The following NCKAP5 variants were observed in gnomAD, a reference collection of about 807,000 sequenced individuals.
The protein encoded by NCKAP5 is NCK associated protein 5.
In NCKAP5, 92 loss-of-function variants were observed where a neutral mutation model predicts 167.0. That is an observed-to-expected ratio of 0.55 (90% CI 0.47 to 0.66). NCKAP5 has a LOEUF of 0.66. NCKAP5 is among the 30% of genes least tolerant of loss of function. The probability of loss-of-function intolerance (pLI) is 0.00; values close to 1 mark genes in which losing one functional copy is unlikely to be tolerated. For synonymous variants in NCKAP5, 891 were observed against 877.4 expected (o/e 1.02, Z -0.27); for missense variants, 2,378 against 2,315.0 (o/e 1.03, Z -0.56).
chr2:132,798,128 A>G (rs1309064302), intron 11 of NCKAP5, among the ~76,000 whole-genome samples: 1 of 152,192 alleles, frequency 6.6e-6, no homozygotes, highest in Non-Finnish European at 1.5e-5. Context: ...AGCAGAGCTA[A>G]GACCTCCATA....
rs543784595 is a variant in NCKAP5, at chr2:133,002,631, C to T, written c.342-8392G>A. On this transcript the variant is annotated intron_variant, in intron 6 of 19. Coordinates refer to ENST00000409261, the MANE Select transcript of NCKAP5 (RefSeq NM_207363.3). ...GCCCACTGGGTACTCTCAATTCCAC[C>T]GAAATGCCACAGAAAACACAGAGCC... Among the ~76,000 whole-genome samples the T allele has an allele frequency of 4.6e-5, 7 of 152,262 alleles. No homozygotes were observed. In the South Asian group the frequency reaches 6.2e-4, roughly 14 times the overall value.
intron 11 of NCKAP5, among the ~76,000 whole-genome samples, chr2:132,857,647 C>T (rs1689575845): frequency 6.6e-6 from 1 of 152,142 alleles, no homozygotes; most frequent in African/African-American, 2.4e-5. Flanking sequence ...CATCTCAATT[C>T]CTTGGAATTT....
chr2:133,427,509 A>G (rs1045941172), intron 3 of NCKAP5, among the ~76,000 whole-genome samples: 26 of 152,214 alleles, frequency 1.7e-4, no homozygotes, highest in African/African-American at 6.3e-4. Context: ...AGAGCAAAAT[A>G]TAAACATTTT....
chr2:132,727,507 C>T (rs1397351985), intron 18 of NCKAP5, among the ~76,000 whole-genome samples: 1 of 152,216 alleles, frequency 6.6e-6, no homozygotes, highest in African/African-American at 2.4e-5. Context: ...TCCGTATATG[C>T]CAAATCAGAC....
intron 3 of NCKAP5, among the ~76,000 whole-genome samples, chr2:133,312,844 A>G (rs1038494784): frequency 3.3e-5 from 5 of 152,244 alleles, no homozygotes; most frequent in Non-Finnish European, 7.3e-5. Context: ...ACTGTGAAAT[A>G]CGAAGCAGCA....
the NCKAP5 span, among the ~76,000 whole-genome samples, chr2:133,616,180 A>G: frequency 6.6e-6 from 1 of 151,250 alleles, no homozygotes; most frequent in Admixed American, 6.6e-5. Flanking sequence ...ATAGCACTAA[A>G]TGCCCACAAG....
intron 4 of NCKAP5, among the ~76,000 whole-genome samples, chr2:133,214,003 C>T (rs569068227): frequency 7.9e-5 from 12 of 152,236 alleles, no homozygotes; most frequent in African/African-American, 2.2e-4. Flanking sequence ...GCCAAATAAA[C>T]GTTAAATGGT....
chr2:133,674,374 T>G, the NCKAP5 span, among the ~76,000 whole-genome samples: 1 of 152,182 alleles, frequency 6.6e-6, no homozygotes, highest in Admixed American at 6.5e-5. Flanking sequence ...GGAATTAATC[T>G]CCAGGCACCT....
chr2:132,810,164 T>C (rs1388275130), intron 11 of NCKAP5, among the ~76,000 whole-genome samples: 1 of 152,230 alleles, frequency 6.6e-6, no homozygotes, highest in Non-Finnish European at 1.5e-5. Flanking sequence ...CTGTTAATCT[T>C]ATAGGCTTTC....
intron 8 of NCKAP5, among the ~76,000 whole-genome samples, chr2:132,898,781 A>G (rs944123927): frequency 6.6e-6 from 1 of 152,252 alleles, no homozygotes; most frequent in Non-Finnish European, 1.5e-5. Flanking sequence ...AAGTAGACTT[A>G]TTAGTAAAAT....
At chr2:132,766,278 C>CAAA (rs70973405) in intron 16 of NCKAP5, among the ~76,000 whole-genome samples, 430 of 38,390 alleles carry the variant, frequency 0.011, 28 homozygotes, top group Admixed American at 0.061. Flanking sequence ...GATTCTGTCT[C>CAAA]AAAAAAAAAA....
At chr2:133,092,239 T>A (rs115515687) in intron 6 of NCKAP5, among the ~76,000 whole-genome samples, 1 of 152,172 alleles carries the variant, frequency 6.6e-6, no homozygotes, top group Non-Finnish European at 1.5e-5. Flanking sequence ...TGAAATCCAA[T>A]TGGGCCTGAA....
At chr2:133,182,187 T>C (rs2084767384) in intron 5 of NCKAP5, among the ~76,000 whole-genome samples, 3 of 152,176 alleles carry the variant, frequency 2.0e-5, no homozygotes, top group Admixed American at 6.5e-5. Flanking sequence ...TCCCAACAAC[T>C]GATAGACCAA....
intron 3 of NCKAP5, among the ~76,000 whole-genome samples, chr2:133,508,969 T>C (rs1376058862): frequency 6.6e-6 from 1 of 152,240 alleles, no homozygotes; most frequent in East Asian, 1.9e-4. Flanking sequence ...TGTAGTGATC[T>C]CAGCGACAAC....
At chr2:132,997,213 T>C (rs1478437330) in intron 6 of NCKAP5, among the ~76,000 whole-genome samples, 1 of 152,152 alleles carries the variant, frequency 6.6e-6, no homozygotes, top group Non-Finnish European at 1.5e-5. Context: ...TGCAGACAAC[T>C]GGGACAGGCC....
At chr2:133,112,248 G>T (rs1221739556) in intron 6 of NCKAP5, among the ~76,000 whole-genome samples, 1 of 152,150 alleles carries the variant, frequency 6.6e-6, no homozygotes, top group Non-Finnish European at 1.5e-5. Flanking sequence ...GCTGAGGCAG[G>T]TGGATCACGA....
At chr2:132,995,288 A>C (rs1340415963) in intron 6 of NCKAP5, among the ~76,000 whole-genome samples, 1 of 152,212 alleles carries the variant, frequency 6.6e-6, no homozygotes, top group Non-Finnish European at 1.5e-5. Flanking sequence ...TTAAAACATA[A>C]ACATGTATAA....
At chr2:132,994,348 G>T in intron 6 of NCKAP5, 109 bp from the exon 7 acceptor site, 1 of 741,672 alleles carries the variant, frequency 1.3e-6, no homozygotes, top group South Asian at 1.9e-5. Flanking sequence ...GCTTCAACCT[G>T]GAAATCTCTT....
At chr2:133,279,793 T>C (rs910626764) in intron 4 of NCKAP5, among the ~76,000 whole-genome samples, 9 of 152,218 alleles carry the variant, frequency 5.9e-5, no homozygotes, top group African/African-American at 2.2e-4. Context: ...GGTTAAATAG[T>C]TCCTGGGGCT....
Sources: allele counts gnomAD v4.1 joint callset (sites outside exome capture counted in the v4.1 genomes callset), GRCh38; gene constraint gnomAD v4.1.1; transcripts MANE v1.5; gene names NCBI Gene and HGNC (gene_info 2026-07-23, HGNC 2026-07-21).